The following NKX6-1 variants were observed in gnomAD, a reference collection of about 807,000 sequenced individuals.
NKX6-1 encodes NK6 homeobox 1, also known as homeobox protein Nkx-6.1.
In NKX6-1, 11 loss-of-function variants were observed where a neutral mutation model predicts 24.9. The ratio of observed to expected loss-of-function variants is 0.44; its 90% confidence interval spans 0.28 to 0.73. The LOEUF (loss-of-function observed/expected upper bound fraction) is 0.73. Ranked by LOEUF, NKX6-1 falls within the 30% of genes least tolerant of loss-of-function variation. The pLI, the probability that NKX6-1 is intolerant of heterozygous loss-of-function variation, is 0.15. For synonymous variants in NKX6-1, 277 were observed against 242.9 expected (o/e 1.14, Z -1.31); for missense variants, 487 against 502.9 (o/e 0.97, Z 0.30).
In NKX6-1 at chr4:84,493,503, G is replaced by A; in HGVS notation, c.890C>T (p.Ala297Val). The A allele has an allele frequency of 6.2e-7, 1 of 1,614,238 alleles. No individual in the cohort carries two copies. The highest frequency in any genetic ancestry group is 1.1e-5 in the South Asian group (1 of 91,086). The change falls in exon 3 of 3, where the codon GCC becomes GTC. Residue 297 changes from alanine (A) to valine (V), a missense_variant. Around this residue, in one of 3 missense-constraint regions of NKX6-1, gnomAD observed 126 missense variants for 105.5 expected, o/e 1.19. Transcript: ENST00000295886. The surrounding 1 kb of genome is among the most constrained non-coding windows in gnomAD (Gnocchi z 5.1). ...RRTKWRKKHAAEMATAKKKQD... is the reference protein window; with the variant it reads ...RRTKWRKKHAVEMATAKKKQD... Reference sequence around the variant, plus strand: ...CTTCTTCTTGGCCGTGGCCATCTCGGCAGCGTGCTTCTTCCTCCACTTGGT... The same window carrying A: ...CTTCTTCTTGGCCGTGGCCATCTCGACAGCGTGCTTCTTCCTCCACTTGGT...
rs1403526585 is a variant in NKX6-1, at chr4:84,493,264, G to A, written c.*25C>T. 1.9e-6 allele frequency: 3 copies of A among 1,539,658 alleles called. No individual in the cohort carries two copies. On this transcript the variant is annotated 3_prime_UTR_variant, in exon 3 of 3. Coordinates refer to ENST00000295886, the MANE Select transcript of NKX6-1 (RefSeq NM_006168.3). The surrounding 1 kb of genome is among the most constrained non-coding windows in gnomAD (Gnocchi z 5.1). ...GGCCCCAGAGGTGGAGGCCGGAGCC[G>A]GGAAGGTGCGGCGGGCGGCGGCGTT...
intron 1 of NKX6-1, among the ~76,000 whole-genome samples, chr4:84,496,212 GC>G (rs375462882): frequency 1.5e-3 from 225 of 152,082 alleles, no homozygotes; most frequent in Non-Finnish European, 2.9e-3. Flanking sequence ...TGCTCGTTCG[GC>G]CCCGGAGCCT....
Position 84,495,747 on chromosome 4 carries a change from T to C in NKX6-1, c.768A>G (p.Glu256=). 6.2e-7 allele frequency: 1 copy of C among 1,613,910 alleles called. No homozygotes were observed. Among genetic ancestry groups the C allele is most frequent in the Non-Finnish European group, 8.5e-7 (1 of 1,180,042 alleles). ...QQIFALEKTF[E]QTKYLAGPER... ...CGGGCCCCGCCAAGTATTTTGTTTG[T>C]TCGAAAGTCTTCTCCAGGGCGAAGA... The change falls in exon 2 of 3, where the codon GAA becomes GAG. Residue 256 remains glutamate (E), a synonymous_variant. Coordinates refer to ENST00000295886, the MANE Select transcript of NKX6-1 (RefSeq NM_006168.3).
In NKX6-1 at chr4:84,493,671, C is replaced by T; in HGVS notation, c.844-122G>A. 17 of 1,226,316 alleles carry T rather than the reference C, an allele frequency of 1.4e-5. 1 individual carries two copies. The South Asian group carries it at 2.5e-4, about 18-fold the overall frequency. The allele number at this position is 1,226,316 out of a possible 1,614,324, so 76.0% of individuals were successfully genotyped here. The stretch of plus-strand genomic sequence containing the variant: ...CCCGCGGCCCCCCGAAGGCCTGCTG[C>T]CCTCCCTCGCAGCCCTCCCTTTTCT... On this transcript the variant is annotated intron_variant, in intron 2 of 2. Coordinates refer to ENST00000295886, the MANE Select transcript of NKX6-1 (RefSeq NM_006168.3). The surrounding 1 kb of genome is among the most constrained non-coding windows in gnomAD (Gnocchi z 5.1).
Position 84,492,868 on chromosome 4 carries a change from T to C in NKX6-1, c.*421A>G, listed in dbSNP as rs1720750257. ...AGCGCCCGCCCGCTTCGCTCCGAGG[T>C]CCCCCATGCGGTGAGCGTGAACCCT... On this transcript the variant is annotated 3_prime_UTR_variant, in exon 3 of 3. Coordinates refer to ENST00000295886, the MANE Select transcript of NKX6-1 (RefSeq NM_006168.3). 6.5e-6 allele frequency: 1 copy of C among 153,884 alleles called. No individual in the cohort carries two copies. Among genetic ancestry groups the C allele is most frequent in the Non-Finnish European group, 1.4e-5 (1 of 69,440 alleles). 9.5% of individuals were successfully genotyped at this position (153,884 alleles called of 1,614,324 possible). A position where few individuals can be genotyped will look rare whatever the true frequency, so the allele number is the denominator to read the frequency against.
chr4:84,498,246 G>C lies in NKX6-1; in HGVS notation c.-18C>G, dbSNP rs750917411. 113 of 1,293,614 alleles carry C rather than the reference G, an allele frequency of 8.7e-5. No homozygotes were observed. Among genetic ancestry groups the C allele is most frequent in the Non-Finnish European group, 1.0e-4 (107 of 1,020,474 alleles). 80.1% of individuals were successfully genotyped at this position (1,293,614 alleles called of 1,614,324 possible). ...GCTAACATCCCACGGCCACGCCGGA[G>C]ACCGTAGCCTTGCAGCGAGGGCGCT... On this transcript the variant is annotated 5_prime_UTR_variant, in exon 1 of 3. Coordinates refer to ENST00000295886, the MANE Select transcript of NKX6-1 (RefSeq NM_006168.3).
At chr4:84,495,896 C>T (rs992925940) in intron 1 of NKX6-1, 52 bp from the exon 2 acceptor site, 10 of 1,579,790 alleles carry the variant, frequency 6.3e-6, no homozygotes, top group Non-Finnish European at 7.8e-6. Context: ...CGGTTACAAG[C>T]GGCTGCACTA....
chr4:84,495,939 T>A (rs773070746), intron 1 of NKX6-1, 95 bp from the exon 2 acceptor site: 4 of 1,288,072 alleles, frequency 3.1e-6, no homozygotes, highest in Non-Finnish European at 4.4e-6. Flanking sequence ...AACAATGTTT[T>A]GTGGGGAAAG....
rs1720882799 is a variant in NKX6-1, at chr4:84,498,776, C to A, written c.-548G>T. Among the ~76,000 whole-genome samples the A allele has an allele frequency of 6.6e-6, 1 of 152,166 alleles. No homozygotes were observed. On this transcript the variant is annotated 5_prime_UTR_variant, in exon 1 of 3. Coordinates refer to ENST00000295886, the MANE Select transcript of NKX6-1 (RefSeq NM_006168.3). ...TGCTCTTTCGGTCGCGCGGCTGATT[C>A]GCATTCGACGCTCACTGTGCCCGGG...
Position 84,493,281 on chromosome 4 carries a change from G to T in NKX6-1, c.*8C>A. ...CCGGAGCCGGGAAGGTGCGGCGGGC[G>T]GCGGCGTTCAGGATGAGCTCTCCGG... On this transcript the variant is annotated 3_prime_UTR_variant, in exon 3 of 3. Coordinates refer to ENST00000295886, the MANE Select transcript of NKX6-1 (RefSeq NM_006168.3). This position sits in a 1 kb window ranked among gnomAD's most constrained non-coding sequence, Gnocchi z 5.1. 2 of 1,431,182 alleles carry T rather than the reference G, an allele frequency of 1.4e-6. No individual in the cohort carries two copies. Among genetic ancestry groups the T allele is most frequent in the East Asian group, 2.6e-5 (1 of 38,548 alleles). 88.7% of individuals were successfully genotyped at this position (1,431,182 alleles called of 1,614,324 possible).
chr4:84,497,838 C>T lies in NKX6-1; in HGVS notation c.391G>A (p.Ala131Thr), dbSNP rs767648084. The T allele has an allele frequency of 5.6e-5, 71 of 1,269,866 alleles. No homozygotes were observed. Among genetic ancestry groups the T allele is most frequent in the Non-Finnish European group, 7.0e-5 (71 of 1,011,972 alleles). 78.7% of individuals were successfully genotyped at this position (1,269,866 alleles called of 1,614,324 possible). ...SGSSSSSSSS[A>T]SASSASAAAA... ...GCGGCAGAGGCGGAGGAGGCAGAGGCGGACGAGGAAGAGGAGGAGGAGGAA... is the reference window on the plus strand; with the variant it reads ...GCGGCAGAGGCGGAGGAGGCAGAGGTGGACGAGGAAGAGGAGGAGGAGGAA... The change falls in exon 1 of 3, where the codon GCC becomes ACC. Residue 131 changes from alanine (A) to threonine (T), a missense_variant. Physicochemically the swap from Ala to Thr is moderately conservative, Grantham distance 58. Coordinates refer to ENST00000295886, the MANE Select transcript of NKX6-1 (RefSeq NM_006168.3). The surrounding 1 kb of genome is among the most constrained non-coding windows in gnomAD (Gnocchi z 4.8).
chr4:84,495,968 G>C, intron 1 of NKX6-1, 124 bp from the exon 2 acceptor site: 1 of 945,594 alleles, frequency 1.1e-6, no homozygotes, highest in Non-Finnish European at 1.6e-6. Flanking sequence ...GTCTGTGGCG[G>C]ACACCAGAAG....
At position 84,498,530 on chromosome 4, in the gene NKX6-1, T is replaced by G. The variant is rs1291963455; in HGVS notation, c.-302A>C. The G allele has an allele frequency of 1.1e-5, 4 of 353,452 alleles. No homozygotes were observed. Among genetic ancestry groups the G allele is most frequent in the Non-Finnish European group, 1.0e-5 (2 of 197,592 alleles). The allele number at this position is 353,452 out of a possible 1,614,324, so 21.9% of individuals were successfully genotyped here. A position where few individuals can be genotyped will look rare whatever the true frequency, so the allele number is the denominator to read the frequency against. On this transcript the variant is annotated 5_prime_UTR_variant, in exon 1 of 3. Transcript: ENST00000295886. ...GATTCGATCCCTGGCTATTCTCTCT[T>G]CCTCACTTTTCCTAGCTGTTCAAAG... is the stretch of plus-strand genomic sequence containing the variant.
chr4:84,495,909 G>A, intron 1 of NKX6-1, 65 bp from the exon 2 acceptor site: 1 of 1,500,282 alleles, frequency 6.7e-7, no homozygotes, highest in Non-Finnish European at 9.2e-7. Flanking sequence ...CTGCACTAGG[G>A]GGAAAAAACG....
chr4:84,495,401 G>A (rs1177114699), intron 2 of NKX6-1, among the ~76,000 whole-genome samples: 12 of 152,170 alleles, frequency 7.9e-5, no homozygotes, highest in Non-Finnish European at 1.5e-4. Context: ...GAGTCCCCCA[G>A]CACATGCTGC....
In NKX6-1 at chr4:84,495,523, T is replaced by TC. The variant is rs1455151738; in HGVS notation, c.843+148dup. ...TGTAGTCCCCACCCTCCTTCACTGC[T>TC]CTCAACTTCTCCCCAGGCTCCTTGG... On this transcript the variant is annotated intron_variant, in intron 2 of 2. Coordinates refer to ENST00000295886, the MANE Select transcript of NKX6-1 (RefSeq NM_006168.3). 4.2e-6 allele frequency: 3 copies of TC among 712,194 alleles called. No individual in the cohort carries two copies. In the African/African-American group the frequency reaches 5.3e-5, roughly 13 times the overall value. 44.1% of individuals were successfully genotyped at this position (712,194 alleles called of 1,614,324 possible). A position where few individuals can be genotyped will look rare whatever the true frequency, so the allele number is the denominator to read the frequency against.
At chr4:84,495,522 C>T in intron 2 of NKX6-1, 150 bp downstream of exon 2, 1 of 705,756 alleles carries the variant, frequency 1.4e-6, no homozygotes, top group South Asian at 2.1e-5. Flanking sequence ...TCCTTCACTG[C>T]TCTCAACTTC....
Position 84,498,842 on chromosome 4 carries a change from C to T in NKX6-1, c.-614G>A, listed in dbSNP as rs1487708244. Among the ~76,000 whole-genome samples, 1 of 152,244 alleles carries T rather than the reference C, an allele frequency of 6.6e-6. No individual in the cohort carries two copies. The highest frequency in any genetic ancestry group is 1.5e-5 in the Non-Finnish European group (1 of 68,044). ...GCCCGCGGGAGATCTAGCCTCTGTG[C>T]GGGCTTCCTCCGCCCACGCTGCCCC... On this transcript the variant is annotated 5_prime_UTR_variant, in exon 1 of 3. Transcript: ENST00000295886.
At chr4:84,496,099 A>T (rs1326639342) in intron 1 of NKX6-1, among the ~76,000 whole-genome samples, 1 of 152,164 alleles carries the variant, frequency 6.6e-6, no homozygotes, top group Non-Finnish European at 1.5e-5. Context: ...GACGTCAAAC[A>T]GCTAGGGAGC....
Sources: gnomAD v4.1 joint callset for allele counts (sites outside exome capture counted in the v4.1 genomes callset) on GRCh38, gnomAD v4.1.1 for gene constraint, gnomAD v4.1.1 regional missense constraint, Gnocchi (gnomAD v3.1) non-coding constraint, MANE v1.5 for transcripts, NCBI Gene and HGNC (gene_info 2026-07-23, HGNC 2026-07-21) for gene names.